Variants in XPO6 observed in about 807,000 individuals in gnomAD.
The protein encoded by XPO6 is exportin-6.
XPO6 carries 3 observed loss-of-function variants against 130.0 expected under a neutral mutation model. The observed-to-expected ratio is 0.02, with a 90% confidence interval of 0.01 to 0.06. The LOEUF is 0.06. Among genes scored for constraint, XPO6 ranks in the 10% least tolerant of loss-of-function variants. XPO6 has a pLI of 1.00. For missense variants in XPO6, 970 were observed against 1,393.0 expected (o/e 0.70, Z 4.83); for synonymous variants, 524 against 548.9 (o/e 0.95, Z 0.63).
At chr16:28,115,163 T>C (rs1378192445) in intron 15 of XPO6, among the ~76,000 whole-genome samples, 1 of 152,236 alleles carries the variant, frequency 6.6e-6, no homozygotes, top group African/African-American at 2.4e-5. Flanking sequence ...TCTGCTTCCA[T>C]GAATCATGAA....
At chr16:28,105,866 T>C in intron 20 of XPO6, 177 bp downstream of exon 20, 1 of 902,828 alleles carries the variant, frequency 1.1e-6, no homozygotes, top group African/African-American at 1.7e-5. Context: ...ATGAACTCAA[T>C]CAATATAAAA....
chr16:28,115,666 CCT>C (rs968986635), intron 15 of XPO6, among the ~76,000 whole-genome samples: 52 of 152,174 alleles, frequency 3.4e-4, no homozygotes, highest in Middle Eastern at 3.2e-3. Context: ...GCAGTTGCCC[CCT>C]GACAAGAGAG....
chr16:28,210,295 GGTCT>G (rs1356041636), intron 1 of XPO6, among the ~76,000 whole-genome samples: 3 of 152,060 alleles, frequency 2.0e-5, no homozygotes, highest in Admixed American at 1.3e-4. Context: ...CAGGCCTTAA[GGTCT>G]GTATCACAAA....
At position 28,156,241 on chromosome 16, in the gene XPO6, G is replaced by C. The variant is rs756266275; in HGVS notation, c.930C>G (p.Val310=). ...VSGQERGRLG[V]LAMSCINELM... is the part of the protein sequence containing the mutation. ...GTTCATTGATGCAGGACATGGCCAG[G>C]ACCCCCAGCCGGCCGCGCTCCTGAC... Residue 310 remains valine, a synonymous_variant, in exon 7 of 24, where the codon GTC becomes GTG. Transcript: ENST00000304658. 1 of 1,614,152 alleles carries C rather than the reference G, an allele frequency of 6.2e-7. No homozygotes were observed. Among genetic ancestry groups the C allele is most frequent in the South Asian group, 1.1e-5 (1 of 91,080 alleles).
chr16:28,128,952 C>A (rs1001551627), intron 12 of XPO6, among the ~76,000 whole-genome samples: 2 of 152,186 alleles, frequency 1.3e-5, no homozygotes, highest in Non-Finnish European at 2.9e-5. Flanking sequence ...CTGAACTTGT[C>A]CTATTTTGTC....
chr16:28,107,409 CG>C (rs2086809583), intron 18 of XPO6, 112 bp downstream of exon 18: 2 of 1,284,800 alleles, frequency 1.6e-6, no homozygotes, highest in Non-Finnish European at 2.2e-6. Context: ...TTTCGTTGCA[CG>C]GAACAAGTCA....
At chr16:28,131,573 C>T (rs2042670018) in intron 12 of XPO6, among the ~76,000 whole-genome samples, 1 of 152,194 alleles carries the variant, frequency 6.6e-6, no homozygotes, top group South Asian at 2.1e-4. Context: ...TTAGCTATTT[C>T]AACATTTTGT....
rs745629168 is a variant in XPO6, at chr16:28,156,094, C to T, written c.1077G>A (p.Arg359=). The T allele has an allele frequency of 8.1e-6, 13 of 1,609,090 alleles. No individual in the cohort carries two copies. The highest frequency in any genetic ancestry group is 1.1e-5 in the Non-Finnish European group (13 of 1,177,090). Residue 359 remains arginine (R), a synonymous_variant, in exon 7 of 24, where the codon AGG becomes AGA. Coordinates refer to ENST00000304658, the MANE Select transcript of XPO6 (RefSeq NM_015171.4). ...ATTACCTCTCATCGAGCTCTTCTAG[C>T]CTGCTCTTCACTGTGTGGGCATTGT... ...KDNNAHTVKS[R]LEELDESYIE... is the part of the protein sequence containing the mutation.
At position 28,101,313 on chromosome 16, in the gene XPO6, C is replaced by T; in HGVS notation, c.3276+145G>A. On this transcript the variant is annotated intron_variant, in intron 23 of 23. Coordinates refer to ENST00000304658, the MANE Select transcript of XPO6 (RefSeq NM_015171.4). This position sits in a 1 kb window ranked among gnomAD's most constrained non-coding sequence, Gnocchi z 5.4. ...CAATCAGGCTACAGCACCAGGTCAG[C>T]AGGCATCTCGTGAGCTGCCGCCAAG... 1.4e-6 allele frequency: 1 copy of T among 728,300 alleles called. No homozygotes were observed. Among genetic ancestry groups the T allele is most frequent in the Non-Finnish European group, 2.5e-6 (1 of 406,728 alleles). The allele number at this position is 728,300 out of a possible 1,614,324, so 45.1% of individuals were successfully genotyped here.
chr16:28,157,937 G>T (rs2043209191), intron 6 of XPO6, among the ~76,000 whole-genome samples: 1 of 152,178 alleles, frequency 6.6e-6, no homozygotes, highest in Non-Finnish European at 1.5e-5. Flanking sequence ...GTCCATGAAG[G>T]GACAGGCGTG....
In XPO6 at chr16:28,101,759, G is replaced by A. The variant is rs928841691; in HGVS notation, c.3046-71C>T. 4 of 1,583,612 alleles carry A rather than the reference G, an allele frequency of 2.5e-6. No individual in the cohort carries two copies. Among genetic ancestry groups the A allele is most frequent in the Admixed American group, 3.4e-5 (2 of 58,248 alleles). On this transcript the variant is annotated intron_variant, in intron 22 of 23. Coordinates refer to ENST00000304658, the MANE Select transcript of XPO6 (RefSeq NM_015171.4). The surrounding 1 kb of genome is among the most constrained non-coding windows in gnomAD (Gnocchi z 5.4). ...CTGTCCCGGGTCCCATCCACTTTCT[G>A]TCACACTCTCCAGTGAGTAACCTGA...
chr16:28,113,030 T>C lies in XPO6; in HGVS notation c.2025A>G (p.Leu675=). The change falls in exon 16 of 24, where the codon CTA becomes CTG. Residue 675 remains leucine, a synonymous_variant. Coordinates refer to ENST00000304658, the MANE Select transcript of XPO6 (RefSeq NM_015171.4). ...GTGAGACCAGTAAGTGGCACGCAGATAGCAGCAGCTTGTCTTGGACCTGCA... is the reference window on the plus strand; with the variant it reads ...GTGAGACCAGTAAGTGGCACGCAGACAGCAGCAGCTTGTCTTGGACCTGCA... ...ISTKVQDKLL[L]SACHLLVSLA... 6.2e-7 allele frequency: 1 copy of C among 1,614,058 alleles called. No individual in the cohort carries two copies.
At chr16:28,206,472 C>T (rs1049127217) in intron 1 of XPO6, among the ~76,000 whole-genome samples, 9 of 152,056 alleles carry the variant, frequency 5.9e-5, no homozygotes, top group African/African-American at 2.2e-4. Context: ...GCCTTGAGAC[C>T]AGGAGATCGA....
intron 1 of XPO6, among the ~76,000 whole-genome samples, chr16:28,182,103 ATTAT>A (rs1354787621): frequency 6.6e-6 from 1 of 152,112 alleles, no homozygotes; most frequent in Non-Finnish European, 1.5e-5. Flanking sequence ...AGCAGTTGTG[ATTAT>A]TTAATTATCT....
At chr16:28,126,249 C>T (rs1410012800) in intron 12 of XPO6, among the ~76,000 whole-genome samples, 1 of 152,222 alleles carries the variant, frequency 6.6e-6, no homozygotes, top group Non-Finnish European at 1.5e-5. Flanking sequence ...TGGTGTTCTA[C>T]GCTGAGTCTA....
rs1483395627 is a variant in XPO6 at position 28,211,964 on chromosome 16, G to A, written c.-596C>T. 2 of 152,132 alleles carry A rather than the reference G, an allele frequency of 1.3e-5. No homozygotes were observed. The highest frequency in any genetic ancestry group is 4.8e-5 in the African/African-American group (2 of 41,430). The allele number at this position is 152,132 out of a possible 1,614,324, so 9.4% of individuals were successfully genotyped here. A position where few individuals can be genotyped will look rare whatever the true frequency, so the allele number is the denominator to read the frequency against. Reference sequence around the variant, plus strand: ...GACCAACAGCCCCAACGCGCCGGAAGTGGCGAGCGCCGGGCGGCCCCACAG... The same window carrying A: ...GACCAACAGCCCCAACGCGCCGGAAATGGCGAGCGCCGGGCGGCCCCACAG... On this transcript the variant is annotated 5_prime_UTR_variant, in exon 1 of 24. Coordinates refer to ENST00000304658, the MANE Select transcript of XPO6 (RefSeq NM_015171.4).
intron 12 of XPO6, among the ~76,000 whole-genome samples, chr16:28,130,830 T>C (rs749135539): frequency 3.3e-5 from 5 of 152,200 alleles, no homozygotes; most frequent in Admixed American, 1.3e-4. Context: ...TCAGATTCAC[T>C]AGACTTTCAC....
At chr16:28,187,818 C>A (rs2141883314) in intron 1 of XPO6, among the ~76,000 whole-genome samples, 1 of 151,692 alleles carries the variant, frequency 6.6e-6, no homozygotes, top group Non-Finnish European at 1.5e-5. Context: ...ACTGGTAATT[C>A]CTCCAAATTG....
At chr16:28,210,870 G>A (rs904233716) in intron 1 of XPO6, among the ~76,000 whole-genome samples, 3 of 152,182 alleles carry the variant, frequency 2.0e-5, no homozygotes, top group Non-Finnish European at 2.9e-5. Flanking sequence ...CAATCACCCA[G>A]CTCTCTAAGT....
Sources: gnomAD v4.1 joint callset for allele counts (sites outside exome capture counted in the v4.1 genomes callset) on GRCh38, gnomAD v4.1.1 for gene constraint, Gnocchi (gnomAD v3.1) non-coding constraint, MANE v1.5 for transcripts, NCBI Gene and HGNC (gene_info 2026-07-23, HGNC 2026-07-21) for gene names.